Variants in ZFPM2 observed in about 807,000 individuals in gnomAD.
ZFPM2 encodes the protein zinc finger protein ZFPM2.
ZFPM2 carries 20 observed loss-of-function variants against 98.6 expected under a neutral mutation model. That is an observed-to-expected ratio of 0.20 (90% CI 0.14 to 0.29). The LOEUF is 0.29. Ranked by LOEUF, ZFPM2 falls within the 10% of genes least tolerant of loss-of-function variation. The pLI, the probability that ZFPM2 is intolerant of heterozygous loss-of-function variation, is 1.00. For synonymous variants in ZFPM2, 518 were observed against 502.7 expected (o/e 1.03, Z -0.41); for missense variants, 1,310 against 1,388.6 (o/e 0.94, Z 0.90).
At chr8:105,608,102 C>T (rs1411684244) in intron 4 of ZFPM2, among the ~76,000 whole-genome samples, 8 of 151,970 alleles carry the variant, frequency 5.3e-5, no homozygotes, top group African/African-American at 9.7e-5. Context: ...AAATACCACA[C>T]GTTTTCACTT....
intron 5 of ZFPM2, among the ~76,000 whole-genome samples, chr8:105,719,634 T>G (rs1363433792): frequency 1.3e-5 from 2 of 151,932 alleles, no homozygotes; most frequent in Admixed American, 1.3e-4. Flanking sequence ...AAGAATAGTT[T>G]TAGATAATAC....
intron 5 of ZFPM2, among the ~76,000 whole-genome samples, chr8:105,783,128 A>G (rs1234649351): frequency 6.6e-6 from 1 of 151,602 alleles, no homozygotes; most frequent in East Asian, 1.9e-4. Flanking sequence ...TTCACTAGGT[A>G]CTTGAATTTC....
chr8:105,687,836 A>G (rs1280734495), intron 5 of ZFPM2, among the ~76,000 whole-genome samples: 1 of 152,142 alleles, frequency 6.6e-6, no homozygotes. Flanking sequence ...ATCAAGAATT[A>G]GGAACATAAA....
chr8:105,683,687 A>T (rs931184531), intron 5 of ZFPM2, among the ~76,000 whole-genome samples: 1 of 152,062 alleles, frequency 6.6e-6, no homozygotes, highest in Admixed American at 6.6e-5. Flanking sequence ...TTTATTCTTC[A>T]TCATCATCTC....
chr8:105,635,090 T>C (rs1465681764), intron 5 of ZFPM2, among the ~76,000 whole-genome samples: 1 of 152,216 alleles, frequency 6.6e-6, no homozygotes, highest in Admixed American at 6.5e-5. Context: ...GTCTTGGTCC[T>C]AGCTCTGTAC....
chr8:105,727,057 G>A (rs1220790766), intron 5 of ZFPM2, among the ~76,000 whole-genome samples: 4 of 151,678 alleles, frequency 2.6e-5, no homozygotes, highest in Middle Eastern at 3.2e-3. Context: ...ATAAATCTTC[G>A]GATATGTTGA....
At chr8:105,724,025 T>C (rs1042883501) in intron 5 of ZFPM2, among the ~76,000 whole-genome samples, 1 of 151,780 alleles carries the variant, frequency 6.6e-6, no homozygotes, top group East Asian at 2.0e-4. Flanking sequence ...TATCAAACCA[T>C]CCTTTGCTGG....
intron 5 of ZFPM2, among the ~76,000 whole-genome samples, chr8:105,751,989 C>T (rs558605367): frequency 5.9e-5 from 9 of 152,176 alleles, no homozygotes; most frequent in South Asian, 2.1e-4. Flanking sequence ...TGCATTGTGT[C>T]GTTCTCTACA....
chr8:105,579,483 G>A (rs114050336), intron 4 of ZFPM2, among the ~76,000 whole-genome samples: 88 of 152,150 alleles, frequency 5.8e-4, no homozygotes, highest in Middle Eastern at 3.4e-3. Context: ...TGGAAGCAGG[G>A]GACTGCACTT....
intron 3 of ZFPM2, among the ~76,000 whole-genome samples, chr8:105,488,696 G>A (rs543484642): frequency 1.3e-5 from 2 of 152,192 alleles, no homozygotes; most frequent in African/African-American, 4.8e-5. Flanking sequence ...CCCAAGAGGC[G>A]GAGGTTGTGG....
intron 4 of ZFPM2, among the ~76,000 whole-genome samples, chr8:105,595,000 A>C (rs902436622): frequency 3.9e-5 from 6 of 152,142 alleles, no homozygotes; most frequent in African/African-American, 9.6e-5. Context: ...AAGCAGTAGA[A>C]ACAACTTCTA....
At chr8:105,428,129 T>C (rs1811951523) in intron 2 of ZFPM2, among the ~76,000 whole-genome samples, 1 of 152,206 alleles carries the variant, frequency 6.6e-6, no homozygotes, top group Non-Finnish European at 1.5e-5. Context: ...CACTATTATA[T>C]AACTCTTGTA....
intron 3 of ZFPM2, among the ~76,000 whole-genome samples, chr8:105,508,417 T>C (rs1196180727): frequency 6.6e-6 from 1 of 152,050 alleles, no homozygotes. Flanking sequence ...AATCAGTCTG[T>C]GGGATTTTTT....
At chr8:105,691,231 CTTTTTTTTTTT>C (rs869164122) in intron 5 of ZFPM2, among the ~76,000 whole-genome samples, 13 of 67,966 alleles carry the variant, frequency 1.9e-4, no homozygotes, top group Middle Eastern at 9.8e-3. Flanking sequence ...CCCAAAGAGA[CTTTTTTTTTTT>C]TTTTTTTTTT....
intron 3 of ZFPM2, among the ~76,000 whole-genome samples, chr8:105,535,633 G>T (rs932008853): frequency 2.0e-5 from 3 of 152,160 alleles, no homozygotes; most frequent in Non-Finnish European, 4.4e-5. Context: ...TGTAAAGTCA[G>T]TCTCAGGCCT....
intron 3 of ZFPM2, among the ~76,000 whole-genome samples, chr8:105,478,305 A>T (rs1813051049): frequency 6.6e-6 from 1 of 152,222 alleles, no homozygotes; most frequent in Non-Finnish European, 1.5e-5. Flanking sequence ...AGATTGAATG[A>T]TAATGTATGT....
chr8:105,592,673 A>G (rs1055746945), intron 4 of ZFPM2, among the ~76,000 whole-genome samples: 8 of 152,144 alleles, frequency 5.3e-5, no homozygotes, highest in African/African-American at 1.9e-4. Context: ...AAGAGGAGGA[A>G]GATGTCTTGA....
At chr8:105,798,054 C>T (rs982334737) in intron 6 of ZFPM2, 1 of 152,200 alleles carries the variant, frequency 6.6e-6, no homozygotes, top group African/African-American at 2.4e-5. Context: ...GGGTTGACAT[C>T]AGGGCTAACA....
intron 7 of ZFPM2, among the ~76,000 whole-genome samples, chr8:105,800,452 G>T (rs1813966913): frequency 6.6e-6 from 1 of 151,940 alleles, no homozygotes; most frequent in Non-Finnish European, 1.5e-5. Context: ...CTAAATATCA[G>T]CCCTGGATAG....
Sources: allele counts gnomAD v4.1 joint callset (sites outside exome capture counted in the v4.1 genomes callset), GRCh38; gene constraint gnomAD v4.1.1; transcripts MANE v1.5; gene names NCBI Gene and HGNC (gene_info 2026-07-23, HGNC 2026-07-21).